Variants in TLCD1 observed in about 807,000 individuals in gnomAD.
TLCD1 encodes the protein TLC domain-containing protein 1.
In TLCD1, 21 loss-of-function variants were observed where a neutral mutation model predicts 21.2. The ratio of observed to expected loss-of-function variants is 0.99; its 90% CI spans 0.70 to 1.42. The LOEUF is 1.42. TLCD1 is among the 40% of genes most tolerant of loss of function. TLCD1 has a pLI of 0.00. For missense variants in TLCD1, 344 were observed against 330.3 expected (o/e 1.04, Z -0.32); for synonymous variants, 168 against 134.8 (o/e 1.25, Z -1.71).
intron 3 of TLCD1, 87 bp from the exon 4 acceptor site, chr17:28,724,980 C>G: frequency 1.4e-6 from 2 of 1,429,120 alleles, no homozygotes; most frequent in East Asian, 2.3e-5. Flanking sequence ...AGATTGAGGG[C>G]TGGAAAATCC....
upstream of TLCD1, chr17:28,726,743 G>A: frequency 6.5e-7 from 1 of 1,548,662 alleles, no homozygotes; most frequent in Non-Finnish European, 8.7e-7. Context: ...TCTGGCCGGA[G>A]TCCCGTGTTT....
In TLCD1 at chr17:28,724,432, G is replaced by T; in HGVS notation, c.*78C>A. 1.9e-6 allele frequency: 3 copies of T among 1,541,628 alleles called. No individual in the cohort carries two copies. Among genetic ancestry groups the T allele is most frequent in the Non-Finnish European group, 1.8e-6 (2 of 1,141,572 alleles). ...GAGGCTGGCCTCAGAGGACACCCAG[G>T]CTTGGGGCTAAGTCCCAGTGTCCAT... On this transcript the variant is annotated 3_prime_UTR_variant, in exon 4 of 4. Transcript: ENST00000292090.
At chr17:28,727,008 C>A, upstream of TLCD1, 3 of 603,624 alleles carry the variant, frequency 5.0e-6, no homozygotes, top group Non-Finnish European at 8.9e-6. Context: ...TAGGTGTCAG[C>A]CTGCCCTCAC....
intron 3 of TLCD1, 50 bp from the exon 4 acceptor site, chr17:28,724,943 C>T: frequency 3.2e-6 from 5 of 1,567,592 alleles, no homozygotes; most frequent in Non-Finnish European, 4.3e-6. Context: ...CAGACGCTTT[C>T]CTGGAAGTTT....
At chr17:28,726,804 C>T, upstream of TLCD1, 1 of 1,548,610 alleles carries the variant, frequency 6.5e-7, no homozygotes. Flanking sequence ...TGCTGAGTAA[C>T]CCATCGCCAC....
rs1567755098 is a variant in TLCD1, at chr17:28,725,299, C to T, written c.360+5G>A. ...CCTATACCACATAGTCTGCTTCTCT[C>T]TTACCATGACGTGATGGACAAGGTA... On this transcript the variant is annotated splice_donor_5th_base_variant and intron_variant, in intron 3 of 3. Transcript: ENST00000292090. 6.2e-7 allele frequency: 1 copy of T among 1,614,052 alleles called. No homozygotes were observed. Among genetic ancestry groups the T allele is most frequent in the East Asian group, 2.2e-5 (1 of 44,882 alleles).
At chr17:28,727,169 T>G, upstream of TLCD1, 2 of 239,482 alleles carry the variant, frequency 8.4e-6, no homozygotes, top group Non-Finnish European at 8.0e-6. Context: ...AGGGTAGTAA[T>G]AGAGGAGGGG....
At chr17:28,725,671 G>C in intron 1 of TLCD1, 108 bp from the exon 2 acceptor site, 1 of 1,304,518 alleles carries the variant, frequency 7.7e-7, no homozygotes, top group South Asian at 1.2e-5. Flanking sequence ...GCTAGTGGCT[G>C]ACTGGGAAGC....
At chr17:28,725,703 C>T in intron 1 of TLCD1, 140 bp from the exon 2 acceptor site, 1 of 1,157,950 alleles carries the variant, frequency 8.6e-7, no homozygotes, top group Non-Finnish European at 1.2e-6. Context: ...GGGCAAAACC[C>T]AAGAGCCTCC....
upstream of TLCD1, chr17:28,727,617 TTTCTTTC>T (rs2034252518): frequency 1.4e-5 from 2 of 146,018 alleles, no homozygotes; most frequent in Admixed American, 6.7e-5. Flanking sequence ...TGATGTTTTC[TTTCTTTC>T]TTTTTTTTTT....
chr17:28,725,816 T>C (rs879498252), intron 1 of TLCD1, 88 bp downstream of exon 1: 25 of 1,497,596 alleles, frequency 1.7e-5, no homozygotes, highest in Non-Finnish European at 2.2e-5. Flanking sequence ...AGCCCGCCAG[T>C]GAGCGATGGG....
At chr17:28,726,775 G>C (rs866977333), upstream of TLCD1, 1 of 1,549,278 alleles carries the variant, frequency 6.5e-7, no homozygotes, top group Admixed American at 2.0e-5. Flanking sequence ...CCGCGCCCGC[G>C]AGGTGGGCAC....
chr17:28,726,783 C>G, upstream of TLCD1: 1 of 1,549,244 alleles, frequency 6.5e-7, no homozygotes, highest in Non-Finnish European at 8.7e-7. Context: ...GCGAGGTGGG[C>G]ACTTGGGAAC....
At chr17:28,725,696 C>T in intron 1 of TLCD1, 133 bp from the exon 2 acceptor site, 1 of 1,196,194 alleles carries the variant, frequency 8.4e-7, no homozygotes, top group Non-Finnish European at 1.2e-6. Context: ...AGTGGCTGGG[C>T]AAAACCCAAG....
In TLCD1 at chr17:28,725,553, T is replaced by A; in HGVS notation, c.205A>T (p.Thr69Ser). The A allele has an allele frequency of 1.2e-6, 2 of 1,613,600 alleles. No individual in the cohort carries two copies. Among genetic ancestry groups the A allele is most frequent in the Non-Finnish European group, 1.7e-6 (2 of 1,179,874 alleles). ...GIWALLCVWQ[T>S]PDMLVEIETA... ...TCAATCTCCACTAACATGTCAGGAG[T>A]CTGCCATACACTGGAAAGGAGGGAA... The change falls in exon 2 of 4, where the codon ACT becomes TCT. Residue 69 changes from threonine (T) to serine (S), a missense_variant. Transcript: ENST00000292090.
Position 28,724,713 on chromosome 17 carries a change from G to C in TLCD1, c.541C>G (p.Leu181Val). 1 of 1,614,198 alleles carries C rather than the reference G, an allele frequency of 6.2e-7. No individual in the cohort carries two copies. The highest frequency in any genetic ancestry group is 8.5e-7 in the Non-Finnish European group (1 of 1,180,042). ...TAGGCCTGAGGGGCCAGGCGGAAGAGAAAGTACATGACCAGGTTCACATAC... is the reference window on the plus strand; with the variant it reads ...TAGGCCTGAGGGGCCAGGCGGAAGACAAAGTACATGACCAGGTTCACATAC... Reference protein sequence around the residue: ...NKYVNLVMYFLFRLAPQAYLT... With the variant: ...NKYVNLVMYFVFRLAPQAYLT... The change falls in exon 4 of 4, where the codon CTC (leucine) becomes GTC (valine). Residue 181 changes from leucine (L) to valine (V), a missense_variant. Leu to Val is a conservative substitution (Grantham distance 32). Coordinates refer to ENST00000292090, the MANE Select transcript of TLCD1 (RefSeq NM_138463.4).
chr17:28,724,803 G>C lies in TLCD1; in HGVS notation c.451C>G (p.Leu151Val). 6.2e-7 allele frequency: 1 copy of C among 1,614,108 alleles called. No individual in the cohort carries two copies. The highest frequency in any genetic ancestry group is 8.5e-7 in the Non-Finnish European group (1 of 1,180,026). ...ATTTTCATCATCATGCGAATGGTGA[G>C]GAAGATGTTGCTGACTTCCACCAGT... ...TLLVEVSNIF[L>V]TIRMMMKISN... The change falls in exon 4 of 4, where the codon CTC (leucine) becomes GTC (valine). Residue 151 changes from leucine to valine, a missense_variant. Coordinates refer to ENST00000292090, the MANE Select transcript of TLCD1 (RefSeq NM_138463.4).
chr17:28,726,847 G>C, upstream of TLCD1: 4 of 1,542,200 alleles, frequency 2.6e-6, no homozygotes, highest in Non-Finnish European at 3.5e-6. Context: ...TCCTGGGGCC[G>C]GGCGGCTGTC....
Position 28,726,165 on chromosome 17 carries a change from T to C in TLCD1, c.-68A>G. ...TCTGTTCTGGGAACCGGGATCCCTC[T>C]CGGGCCAGTCCAGGCCGGCCGCCTC... On this transcript the variant is annotated 5_prime_UTR_variant, in exon 1 of 4. Transcript: ENST00000292090. 7.2e-7 allele frequency: 1 copy of C among 1,395,502 alleles called. No individual in the cohort carries two copies. The highest frequency in any genetic ancestry group is 3.5e-5 in the Admixed American group (1 of 28,630). 86.4% of individuals were successfully genotyped at this position (1,395,502 alleles called of 1,614,324 possible). A position where few individuals can be genotyped will look rare whatever the true frequency, so the allele number is the denominator to read the frequency against.
Sources: allele counts gnomAD v4.1 joint callset, GRCh38; gene constraint gnomAD v4.1.1; transcripts MANE v1.5; gene names NCBI Gene and HGNC (gene_info 2026-07-23, HGNC 2026-07-21).